Variants in HAO2 observed in about 807,000 individuals in gnomAD.
The protein encoded by HAO2 is 2-Hydroxyacid oxidase 2.
Under a neutral mutation model 37.4 loss-of-function variants are expected in HAO2, and 42 were observed. The ratio of observed to expected loss-of-function variants is 1.12; its 90% CI spans 0.88 to 1.45. The LOEUF (loss-of-function observed/expected upper bound fraction) is 1.45. Ranked by LOEUF, HAO2 falls within the 40% of genes most tolerant of loss-of-function variation. The pLI is 0.00. For synonymous variants in HAO2, 180 were observed against 162.8 expected (o/e 1.11, Z -0.81); for missense variants, 476 against 430.2 (o/e 1.11, Z -0.94).
chr1:119,374,423 T>C (rs2101175716), intron 1 of HAO2, among the ~76,000 whole-genome samples: 1 of 152,334 alleles, frequency 6.6e-6, no homozygotes, highest in African/African-American at 2.4e-5. Flanking sequence ...AGGGGAAGAC[T>C]GATTACAGCA....
At chr1:119,390,917 T>C (rs1003803647) in intron 5 of HAO2, among the ~76,000 whole-genome samples, 3 of 152,130 alleles carry the variant, frequency 2.0e-5, no homozygotes, top group Non-Finnish European at 4.4e-5. Context: ...AAAACTCAGA[T>C]ACTATAGTTT....
intron 1 of HAO2, among the ~76,000 whole-genome samples, chr1:119,376,675 C>T (rs1322517662): frequency 6.6e-6 from 1 of 152,236 alleles, no homozygotes; most frequent in Non-Finnish European, 1.5e-5. Flanking sequence ...TATACATCCT[C>T]TGAAATCTAG....
chr1:119,387,264 C>T (rs746258815), intron 5 of HAO2, among the ~76,000 whole-genome samples: 8 of 152,110 alleles, frequency 5.3e-5, no homozygotes, highest in Non-Finnish European at 1.2e-4. Context: ...CTATAAAAGT[C>T]CATAATTTTT....
At chr1:119,371,936 C>T (rs1325161279) in intron 1 of HAO2, among the ~76,000 whole-genome samples, 1 of 152,170 alleles carries the variant, frequency 6.6e-6, no homozygotes, top group Non-Finnish European at 1.5e-5. Context: ...ACATTTGGAT[C>T]AATGTCTCCC....
In HAO2 at chr1:119,386,872, C is replaced by T. The variant is rs368497000; in HGVS notation, c.771+41C>T. ...TCAGAGAAGGGTGTGTTTGTGAGTG[C>T]TGTGTGTGTATGTGTGAGTGTGTCC... On this transcript the variant is annotated intron_variant, in intron 5 of 7. Coordinates refer to ENST00000325945, the MANE Select transcript of HAO2 (RefSeq NM_016527.4). 8.6e-5 allele frequency: 108 copies of T among 1,261,010 alleles called. 1 individual carries two copies. In the African/African-American group the frequency reaches 1.4e-3, roughly 17 times the overall value. The allele number at this position is 1,261,010 out of a possible 1,614,324, so 78.1% of individuals were successfully genotyped here.
At chr1:119,386,920 C>A (rs1650430773) in intron 5 of HAO2, 89 bp downstream of exon 5, 1 of 818,714 alleles carries the variant, frequency 1.2e-6, no homozygotes, top group Admixed American at 1.8e-5. Flanking sequence ...TCTGTGAAAT[C>A]TGAGCATATT....
chr1:119,385,716 G>A, intron 4 of HAO2: 1 of 984,640 alleles, frequency 1.0e-6, no homozygotes, highest in Non-Finnish European at 1.2e-6. Context: ...GGAATCCCTG[G>A]CTATAGTAGA....
chr1:119,393,772 A>G lies in HAO2; in HGVS notation c.1001-13A>G, dbSNP rs1352146363. 1.2e-6 allele frequency: 2 copies of G among 1,612,574 alleles called. No homozygotes were observed. Among genetic ancestry groups the G allele is most frequent in the Non-Finnish European group, 1.7e-6 (2 of 1,178,876 alleles). On this transcript the variant is annotated splice_polypyrimidine_tract_variant and intron_variant, in intron 7 of 7. Transcript: ENST00000325945. The stretch of plus-strand genomic sequence containing the variant: ...TTGACAAAAATGAGCTTGTAACCAC[A>G]TTGTTCTTTTAGGCTGCCGGTCGGT...
chr1:119,372,298 A>G (rs1048954007), intron 1 of HAO2, among the ~76,000 whole-genome samples: 1 of 152,246 alleles, frequency 6.6e-6, no homozygotes, highest in Non-Finnish European at 1.5e-5. Context: ...AGAGGAAGAG[A>G]TAATTCAGTG....
intron 5 of HAO2, among the ~76,000 whole-genome samples, chr1:119,387,713 C>T (rs587716729): frequency 3.8e-4 from 58 of 152,170 alleles, no homozygotes; most frequent in African/African-American, 1.3e-3. Context: ...ATATATGCTC[C>T]TCTTATTTTT....
rs377012031 is a variant in HAO2 at position 119,377,699 on chromosome 1, G to T, written c.-8-3379G>T. Among the ~76,000 whole-genome samples the T allele has an allele frequency of 2.9e-4, 44 of 152,342 alleles. No homozygotes were observed. In the East Asian group the frequency reaches 6.8e-3, roughly 23 times the overall value. ...GGGAGGCCTCACAATCATGGTGAAA[G>T]GTGAAGGAGGAGCAAAGGCATGTTT... On this transcript the variant is annotated intron_variant, in intron 1 of 7. Transcript: ENST00000325945.
intron 4 of HAO2, 101 bp downstream of exon 4, chr1:119,385,154 G>T: frequency 1.3e-6 from 2 of 1,494,336 alleles, no homozygotes; most frequent in Non-Finnish European, 1.8e-6. Flanking sequence ...GGCATTTATC[G>T]AACACCTGCT....
chr1:119,380,811 G>T (rs1451723142), intron 1 of HAO2: 3 of 842,490 alleles, frequency 3.6e-6, no homozygotes, highest in Admixed American at 4.2e-5. Flanking sequence ...GTGTACAGTG[G>T]AGGAGAAGAT....
rs115056784 is a variant in HAO2, at chr1:119,378,909, A to T, written c.-8-2169A>T. 4.0e-3 allele frequency among the ~76,000 whole-genome samples: 615 copies of T among 152,358 alleles called. 3 individuals carry two copies. Among genetic ancestry groups the T allele is most frequent in the Middle Eastern group, 0.017 (5 of 294 alleles). On this transcript the variant is annotated intron_variant, in intron 1 of 7. Transcript: ENST00000325945. ...AATGAACATTTGTAAGCAGCAACTCAGTGCCATGTACTATCCTAATGCCTG... is the reference window on the plus strand; with the variant it reads ...AATGAACATTTGTAAGCAGCAACTCTGTGCCATGTACTATCCTAATGCCTG...
chr1:119,384,707 C>T (rs1031302735), intron 3 of HAO2, 69 bp from the exon 4 acceptor site: 3 of 1,306,588 alleles, frequency 2.3e-6, no homozygotes, highest in East Asian at 2.3e-5. Context: ...GCTACACAGA[C>T]TCCCAAGGTT....
At chr1:119,380,666 G>A in intron 1 of HAO2, 1 of 1,574,376 alleles carries the variant, frequency 6.4e-7, no homozygotes, top group Non-Finnish European at 8.7e-7. Flanking sequence ...GATCAGCCTT[G>A]AACTTTAGGA....
At chr1:119,377,582 T>C (rs924402841) in intron 1 of HAO2, among the ~76,000 whole-genome samples, 1 of 152,218 alleles carries the variant, frequency 6.6e-6, no homozygotes, top group South Asian at 2.1e-4. Context: ...ATTTACTGTA[T>C]TAGTCCATTT....
intron 2 of HAO2, 96 bp downstream of exon 2, chr1:119,381,312 A>T: frequency 1.1e-6 from 1 of 884,004 alleles, no homozygotes; most frequent in Non-Finnish European, 1.9e-6. Flanking sequence ...TCCAAAAAAC[A>T]CAGATCACTC....
intron 1 of HAO2, among the ~76,000 whole-genome samples, chr1:119,371,164 C>T (rs772172506): frequency 2.0e-5 from 3 of 152,214 alleles, no homozygotes; most frequent in Non-Finnish European, 4.4e-5. Context: ...ATACCAGTAA[C>T]ACTCCATACT....
Sources: gnomAD v4.1 joint callset for allele counts (sites outside exome capture counted in the v4.1 genomes callset) on GRCh38, gnomAD v4.1.1 for gene constraint, MANE v1.5 for transcripts, NCBI Gene and HGNC (gene_info 2026-07-23, HGNC 2026-07-21) for gene names.